Variants in BCR observed in about 807,000 individuals in gnomAD.
BCR encodes the protein BCR activator of RhoGEF and GTPase.
A neutral mutation model predicts 138.6 loss-of-function variants in BCR; 58 were observed. The observed-to-expected ratio is 0.42, with a 90% CI of 0.34 to 0.52. BCR has a LOEUF of 0.52. Ranked by LOEUF, BCR falls within the 20% of genes least tolerant of loss-of-function variation. The pLI, the probability that BCR is intolerant of heterozygous loss-of-function variation, is 0.06. For missense variants in BCR, 1,599 were observed against 1,727.2 expected, an observed-to-expected ratio of 0.93 and a Z score of 1.32; for synonymous variants, 786 against 730.1, an observed-to-expected ratio of 1.08 and a Z score of -1.23.
At chr22:23,184,248 G>A (rs1184862925) in intron 1 of BCR, among the ~76,000 whole-genome samples, 2 of 151,850 alleles carry the variant, frequency 1.3e-5, no homozygotes, top group Non-Finnish European at 2.9e-5. Flanking sequence ...ACTATACTGG[G>A]CTAATTTTTA....
intron 10 of BCR, among the ~76,000 whole-genome samples, chr22:23,286,212 C>T (rs1171989545): frequency 3.9e-5 from 6 of 152,234 alleles, no homozygotes. Flanking sequence ...TTCAGGACTA[C>T]CTGCCCTTGG....
chr22:23,300,568 A>G (rs752086525), intron 16 of BCR, among the ~76,000 whole-genome samples: 1 of 151,982 alleles, frequency 6.6e-6, no homozygotes, highest in Admixed American at 6.6e-5. Context: ...AGGCACATCC[A>G]TGGGCTCTCG....
intron 4 of BCR, 76 bp downstream of exon 4, chr22:23,261,616 G>C (rs2073357810): frequency 3.9e-6 from 6 of 1,519,020 alleles, no homozygotes; most frequent in African/African-American, 2.8e-5. Context: ...ATTTTTAGTA[G>C]AGACAGGGTT....
At chr22:23,287,981 A>C in intron 11 of BCR, 116 bp from the exon 12 acceptor site, 2 of 972,908 alleles carry the variant, frequency 2.1e-6, no homozygotes, top group South Asian at 1.3e-5. Flanking sequence ...ACACCTGGCC[A>C]CTGGGCTCCA....
chr22:23,313,124 C>T lies in BCR; in HGVS notation c.3457+103C>T, dbSNP rs1260902847. On this transcript the variant is annotated intron_variant, in intron 20 of 22. Transcript: ENST00000305877. ...AGGTGTGGGAACCCAAGCTGTGCCC[C>T]CTCTGCCATGGTCGGCATTTTAACC... 9 of 1,408,828 alleles carry T rather than the reference C, an allele frequency of 6.4e-6. No individual in the cohort carries two copies. The African/African-American group carries it at 8.5e-5, about 13-fold the overall frequency. 87.3% of individuals were successfully genotyped at this position (1,408,828 alleles called of 1,614,324 possible).
At chr22:23,293,736 C>T (rs2073815277) in intron 15 of BCR, among the ~76,000 whole-genome samples, 1 of 152,154 alleles carries the variant, frequency 6.6e-6, no homozygotes, top group African/African-American at 2.4e-5. Flanking sequence ...TAGCAGGTCA[C>T]GTCCACCACC....
chr22:23,198,343 G>A (rs1405991459), intron 1 of BCR: 2 of 442,852 alleles, frequency 4.5e-6, no homozygotes, highest in Non-Finnish European at 8.7e-6. Flanking sequence ...CTGGTGGGCT[G>A]GAGTCCCAGG....
At chr22:23,184,868 G>A (rs916469225) in intron 1 of BCR, among the ~76,000 whole-genome samples, 3 of 152,112 alleles carry the variant, frequency 2.0e-5, no homozygotes, top group African/African-American at 7.2e-5. Flanking sequence ...TCTTTAGAGG[G>A]CTGTGGAGCC....
At chr22:23,313,713 G>A (rs1568988084) in intron 20 of BCR, among the ~76,000 whole-genome samples, 1 of 152,206 alleles carries the variant, frequency 6.6e-6, no homozygotes, top group African/African-American at 2.4e-5. Context: ...ATGAGCAGCT[G>A]CTCTAGCGGC....
intron 4 of BCR, chr22:23,262,768 G>T (rs993217080): frequency 4.3e-6 from 4 of 940,650 alleles, no homozygotes; most frequent in Admixed American, 6.0e-5. Context: ...GGAGGGTGAC[G>T]AGGGGGAAGC....
chr22:23,232,180 A>G (rs1483804214), intron 1 of BCR, among the ~76,000 whole-genome samples: 1 of 152,196 alleles, frequency 6.6e-6, no homozygotes, highest in Non-Finnish European at 1.5e-5. Context: ...CCCAGTAGGG[A>G]TGATAGGACC....
intron 1 of BCR, among the ~76,000 whole-genome samples, chr22:23,206,939 A>C (rs8135755): frequency 0.14 from 3,979 of 28,812 alleles, 223 homozygotes; most frequent in African/African-American, 0.34. Flanking sequence ...TCATCCATTC[A>C]TTCCTCCCTC....
At chr22:23,193,148 CTGGGGTCAGTT>C (rs1165754100) in intron 1 of BCR, among the ~76,000 whole-genome samples, 4 of 152,196 alleles carry the variant, frequency 2.6e-5, no homozygotes, top group Non-Finnish European at 2.9e-5. Flanking sequence ...TAAAGTGCTG[CTGGGGTCAGTT>C]TGTATGCCCG....
chr22:23,232,883 G>A (rs1332211029), intron 1 of BCR, among the ~76,000 whole-genome samples: 4 of 152,228 alleles, frequency 2.6e-5, no homozygotes, highest in African/African-American at 9.6e-5. Context: ...GCAAAGATGA[G>A]AGAGAAGCTG....
At chr22:23,272,174 C>G (rs1185620853) in intron 6 of BCR, among the ~76,000 whole-genome samples, 2 of 152,226 alleles carry the variant, frequency 1.3e-5, no homozygotes, top group South Asian at 4.1e-4. Flanking sequence ...ATAAAGTAAT[C>G]TGTGCAGAGC....
intron 1 of BCR, among the ~76,000 whole-genome samples, chr22:23,240,495 C>T (rs1480120309): frequency 6.6e-6 from 1 of 151,290 alleles, no homozygotes; most frequent in Non-Finnish European, 1.5e-5. Flanking sequence ...ACTAAAAATA[C>T]AAAAAATCAG....
chr22:23,269,697 C>T (rs1310955970), intron 5 of BCR, among the ~76,000 whole-genome samples: 2 of 152,226 alleles, frequency 1.3e-5, no homozygotes, highest in Admixed American at 6.5e-5. Flanking sequence ...CAGCCTCCCT[C>T]TGGACCATTC....
At chr22:23,221,265 A>G (rs1476844128) in intron 1 of BCR, among the ~76,000 whole-genome samples, 1 of 152,106 alleles carries the variant, frequency 6.6e-6, no homozygotes, top group African/African-American at 2.4e-5. Flanking sequence ...CACATGTTTG[A>G]GGTTGAGACT....
At chr22:23,235,515 A>G (rs1000614174) in intron 1 of BCR, among the ~76,000 whole-genome samples, 4 of 130,002 alleles carry the variant, frequency 3.1e-5, no homozygotes, top group African/African-American at 1.0e-4. Context: ...TGGCGAGGAC[A>G]TAGATGTCCA....
Sources: gnomAD v4.1 joint callset for allele counts (sites outside exome capture counted in the v4.1 genomes callset) on GRCh38, gnomAD v4.1.1 for gene constraint, MANE v1.5 for transcripts, NCBI Gene and HGNC (gene_info 2026-07-23, HGNC 2026-07-21) for gene names.